Variants in TTC6 observed in about 807,000 individuals in gnomAD.
The protein encoded by TTC6 is tetratricopeptide repeat protein 6.
A neutral mutation model predicts 210.4 loss-of-function variants in TTC6; 172 were observed. The ratio of observed to expected loss-of-function variants is 0.82; its 90% CI spans 0.72 to 0.93. TTC6 has a LOEUF of 0.93. Ranked by LOEUF, TTC6 falls within the 40% of genes least tolerant of loss-of-function variation. The pLI, the probability that TTC6 is intolerant of heterozygous loss-of-function variation, is 0.00. For missense variants in TTC6, 2,414 were observed against 2,318.1 expected (o/e 1.04, Z -0.85); for synonymous variants, 804 against 819.6 (o/e 0.98, Z 0.32).
At chr14:37,756,476 T>G (rs1165236113) in intron 14 of TTC6, among the ~76,000 whole-genome samples, 1 of 152,132 alleles carries the variant, frequency 6.6e-6, no homozygotes, top group Non-Finnish European at 1.5e-5. Flanking sequence ...GTGATATATA[T>G]TATGGGTTTG....
intron 7 of TTC6, 141 bp downstream of exon 9, chr14:37,725,143 T>G: frequency 2.1e-6 from 1 of 480,808 alleles, no homozygotes; most frequent in Non-Finnish European, 3.6e-6. Flanking sequence ...TAATTGGATG[T>G]CACTACAGAA....
At chr14:37,656,538 TGTGC>T (rs1466052585) in intron 1 of TTC6, among the ~76,000 whole-genome samples, 27 of 141,840 alleles carry the variant, frequency 1.9e-4, no homozygotes, top group African/African-American at 6.7e-4. Context: ...TGTGTGTGTG[TGTGC>T]GTGTGTGTGT....
Position 37,790,840 on chromosome 14 carries a change from A to G in TTC6, c.3557+3A>G, listed in dbSNP as rs2096077666. On this transcript the variant is annotated splice_donor_region_variant and intron_variant, in intron 16 of 30. Coordinates refer to ENST00000553443, the Ensembl canonical transcript of TTC6. ...GAAACTGTCATTTCTCTAGAAAGGTATGTTTTCCTTTTCATATTTATTGAT... is the reference window on the plus strand; with the variant it reads ...GAAACTGTCATTTCTCTAGAAAGGTGTGTTTTCCTTTTCATATTTATTGAT... 2.6e-6 allele frequency: 4 copies of G among 1,519,798 alleles called. No homozygotes were observed. The highest frequency in any genetic ancestry group is 2.5e-5 in the East Asian group (1 of 40,704). The allele number at this position is 1,519,798 out of a possible 1,614,324, so 94.1% of individuals were successfully genotyped here. A position where few individuals can be genotyped will look rare whatever the true frequency, so the allele number is the denominator to read the frequency against.
chr14:37,793,458 C>T (rs1263950177), intron 17 of TTC6, among the ~76,000 whole-genome samples: 5 of 152,214 alleles, frequency 3.3e-5, no homozygotes, highest in African/African-American at 4.8e-5. Flanking sequence ...CCTGGAGGCT[C>T]TGCCTCCATT....
chr14:37,720,951 C>G (rs2095860714), intron 6 of TTC6, among the ~76,000 whole-genome samples: 1 of 151,880 alleles, frequency 6.6e-6, no homozygotes, highest in South Asian at 2.1e-4. Flanking sequence ...TATGGTTTTG[C>G]CTGATGTTGT....
exon 3 of TTC6, chr14:37,682,914 G>A: frequency 6.5e-7 from 1 of 1,535,628 alleles, no homozygotes; most frequent in South Asian, 1.2e-5. Context: ...ACCTTTGGAA[G>A]ATGGACAGCC....
intron 26 of TTC6, among the ~76,000 whole-genome samples, chr14:37,821,554 G>A (rs1416393811): frequency 6.6e-6 from 1 of 151,908 alleles, no homozygotes; most frequent in African/African-American, 2.4e-5. Flanking sequence ...GCTTCACTGT[G>A]GATTGTTGTG....
At chr14:37,635,314 A>T (rs1022479285) in intron 1 of TTC6, among the ~76,000 whole-genome samples, 1 of 152,232 alleles carries the variant, frequency 6.6e-6, no homozygotes. Context: ...TAAAAAAGGT[A>T]TACAAAGCGA....
intron 7 of TTC6, among the ~76,000 whole-genome samples, chr14:37,732,773 A>G (rs1052168620): frequency 8.0e-6 from 1 of 124,442 alleles, no homozygotes; most frequent in Non-Finnish European, 1.9e-5. Flanking sequence ...GCCCGCCACC[A>G]CGCCCAGCTA....
chr14:37,596,493 ACTCT>A (rs1343299874), intron 1 of TTC6, among the ~76,000 whole-genome samples: 2 of 152,150 alleles, frequency 1.3e-5, no homozygotes, highest in African/African-American at 4.8e-5. Context: ...AAGTCTCTTT[ACTCT>A]CATGAGGCCC....
At chr14:37,727,081 T>A (rs2138850710) in intron 7 of TTC6, among the ~76,000 whole-genome samples, 1 of 152,032 alleles carries the variant, frequency 6.6e-6, no homozygotes, top group Non-Finnish European at 1.5e-5. Flanking sequence ...TTTATTTTTT[T>A]AGAAAGATAT....
chr14:37,695,580 C>T (rs1366502967), intron 3 of TTC6, among the ~76,000 whole-genome samples: 6 of 152,084 alleles, frequency 3.9e-5, no homozygotes, highest in East Asian at 1.9e-4. Flanking sequence ...CTTGAACTCC[C>T]GACCTCAGGT....
intron 1 of TTC6, among the ~76,000 whole-genome samples, chr14:37,634,507 C>G (rs1019590229): frequency 5.3e-5 from 8 of 152,076 alleles, no homozygotes. Flanking sequence ...AAAGACATAA[C>G]TTGGTGTCAT....
intron 2 of TTC6, among the ~76,000 whole-genome samples, chr14:37,607,138 C>T (rs1595000452): frequency 6.6e-6 from 1 of 152,194 alleles, no homozygotes; most frequent in South Asian, 2.1e-4. Flanking sequence ...AACATGTAAG[C>T]AAAGCCCTTT....
intron 1 of TTC6, among the ~76,000 whole-genome samples, chr14:37,649,815 G>A (rs1241452741): frequency 6.6e-6 from 1 of 152,228 alleles, no homozygotes; most frequent in Non-Finnish European, 1.5e-5. Flanking sequence ...CGTATAGTTA[G>A]TGGTGAAGCA....
intron 29 of TTC6, among the ~76,000 whole-genome samples, chr14:37,833,406 G>A (rs2096190638): frequency 2.0e-5 from 3 of 152,166 alleles, no homozygotes; most frequent in Admixed American, 2.0e-4. Flanking sequence ...CTTGAAGTCT[G>A]TTTTGTTTGA....
At chr14:37,721,864 ATATATATATATATG>A (rs1048809464) in intron 6 of TTC6, among the ~76,000 whole-genome samples, 3 of 144,098 alleles carry the variant, frequency 2.1e-5, no homozygotes, top group Non-Finnish European at 3.0e-5. Flanking sequence ...ATATATATAT[ATATATATATATATG>A]TATATATACA....
chr14:37,698,984 A>G (rs1367079040), intron 4 of TTC6, among the ~76,000 whole-genome samples: 2 of 152,158 alleles, frequency 1.3e-5, no homozygotes. Flanking sequence ...TCCAAAGTCT[A>G]TATTCTTTAC....
At chr14:37,675,172 A>G (rs2095766307) in intron 1 of TTC6, among the ~76,000 whole-genome samples, 1 of 152,064 alleles carries the variant, frequency 6.6e-6, no homozygotes, top group Non-Finnish European at 1.5e-5. Flanking sequence ...TTTAGTTTCA[A>G]AACCATCTCA....
Sources: allele counts gnomAD v4.1 joint callset (sites outside exome capture counted in the v4.1 genomes callset), GRCh38; gene constraint gnomAD v4.1.1; transcripts MANE v1.5; gene names NCBI Gene and HGNC (gene_info 2026-07-23, HGNC 2026-07-21).